The following PPP2R5D variants were observed in gnomAD, a reference collection of about 807,000 sequenced individuals.
PPP2R5D encodes the protein serine/threonine-protein phosphatase 2A 56 kDa regulatory subunit delta isoform.
Under a neutral mutation model 79.1 loss-of-function variants are expected in PPP2R5D, and 12 were observed. That is an observed-to-expected ratio of 0.15 (90% CI 0.10 to 0.25). PPP2R5D has a LOEUF of 0.25. Ranked by LOEUF, PPP2R5D falls within the 10% of genes least tolerant of loss-of-function variation. The pLI is 1.00. For missense variants in PPP2R5D, 419 were observed against 760.2 expected (o/e 0.55, Z 5.28); for synonymous variants, 277 against 286.6 (o/e 0.97, Z 0.34).
At chr6:42,994,708 C>T (rs1771511211) in intron 2 of PPP2R5D, among the ~76,000 whole-genome samples, 1 of 151,004 alleles carries the variant, frequency 6.6e-6, no homozygotes, top group Non-Finnish European at 1.5e-5. Context: ...ATCCCAGCTA[C>T]TCGGGAGGCT....
rs70990164 is a variant in PPP2R5D, at chr6:42,990,699, C to CTTTTTTT, written c.105+1032_105+1038dup. On this transcript the variant is annotated intron_variant, in intron 2 of 15. Transcript: ENST00000485511. Reference sequence around the variant, plus strand: ...TCCTCTGCACTTATGCAGTATTCTACTTTTTTTTTTTTTTTTTTTTTTTTT... The same window carrying CTTTTTTT: ...TCCTCTGCACTTATGCAGTATTCTACTTTTTTTTTTTTTTTTTTTTTTTTTTTTTTTT... 1.6e-3 allele frequency among the ~76,000 whole-genome samples: 85 copies of CTTTTTTT among 51,594 alleles called. 10 individuals are homozygous for CTTTTTTT. Among genetic ancestry groups the CTTTTTTT allele is most frequent in the South Asian group, 3.3e-3 (3 of 916 alleles). The allele number at this position is 51,594 out of a possible 152,430, so 33.8% of individuals were successfully genotyped here.
chr6:42,995,504 G>A (rs536535929), intron 2 of PPP2R5D, among the ~76,000 whole-genome samples: 12 of 151,724 alleles, frequency 7.9e-5, no homozygotes, highest in African/African-American at 2.7e-4. Flanking sequence ...CCACTGGCCC[G>A]GACTGCTTTA....
chr6:43,011,344 C>T lies in PPP2R5D; in HGVS notation c.*58C>T. On this transcript the variant is annotated 3_prime_UTR_variant, in exon 16 of 16. Coordinates refer to ENST00000485511, the MANE Select transcript of PPP2R5D (RefSeq NM_006245.4). ...ACACAGCCCTGGGACACTGCCCTGGCCCTCCATACTCTGCTCCCTACTGGC... is the reference window on the plus strand; with the variant it reads ...ACACAGCCCTGGGACACTGCCCTGGTCCTCCATACTCTGCTCCCTACTGGC... 2.5e-6 allele frequency: 4 copies of T among 1,604,778 alleles called. No homozygotes were observed. Among genetic ancestry groups the T allele is most frequent in the Non-Finnish European group, 3.4e-6 (4 of 1,174,976 alleles).
chr6:43,003,140 A>T (rs2150272463), intron 2 of PPP2R5D, among the ~76,000 whole-genome samples: 1 of 152,304 alleles, frequency 6.6e-6, no homozygotes, highest in Middle Eastern at 3.4e-3. Flanking sequence ...GATAGCTTTT[A>T]GGCTGGGCAC....
rs767442751 is a variant in PPP2R5D at position 43,006,885 on chromosome 6, G to C, written c.323-26G>C. ...CATCGCAGTGAAGGACTACAGAGGA[G>C]AACCTGACTGCTGGGGCCCCCACAG... On this transcript the variant is annotated intron_variant, in intron 3 of 15. Transcript: ENST00000485511. This position sits in a 1 kb window ranked among gnomAD's most constrained non-coding sequence, Gnocchi z 4.7. 1 of 1,613,008 alleles carries C rather than the reference G, an allele frequency of 6.2e-7. No individual in the cohort carries two copies. Among genetic ancestry groups the C allele is most frequent in the Non-Finnish European group, 8.5e-7 (1 of 1,179,864 alleles).
chr6:43,005,304 A>G (rs539410849), intron 2 of PPP2R5D, among the ~76,000 whole-genome samples: 4 of 151,730 alleles, frequency 2.6e-5, no homozygotes, highest in East Asian at 1.9e-4. Flanking sequence ...TTATCTTTAG[A>G]GACAGTGTTG....
At position 43,010,590 on chromosome 6, in the gene PPP2R5D, G is replaced by A. The variant is rs1762302400; in HGVS notation, c.1481+21G>A. 6.2e-7 allele frequency: 1 copy of A among 1,613,168 alleles called. No homozygotes were observed. The highest frequency in any genetic ancestry group is 1.1e-5 in the South Asian group (1 of 91,056). On this transcript the variant is annotated intron_variant, in intron 13 of 15. Transcript: ENST00000485511. This position sits in a 1 kb window ranked among gnomAD's most constrained non-coding sequence, Gnocchi z 4.7. The stretch of plus-strand genomic sequence containing the variant: ...CAGAAGTGAGTATCTCTCTCCCCGG[G>A]AGACTTTCATCTTCTACCACCAGCT...
rs1762199752 is a variant in PPP2R5D, at chr6:43,008,465, A to G, written c.1016A>G (p.Tyr339Cys). 1 of 1,609,746 alleles carries G rather than the reference A, an allele frequency of 6.2e-7. No homozygotes were observed. The highest frequency in any genetic ancestry group is 8.5e-7 in the Non-Finnish European group (1 of 1,176,048). The change falls in exon 9 of 16, where the codon TAC becomes TGC. Residue 339 changes from tyrosine to cysteine, a missense_variant. This residue lies in a region of PPP2R5D where 196 missense variants were observed against 424.5 expected (regional missense o/e 0.46). Coordinates refer to ENST00000485511, the MANE Select transcript of PPP2R5D (RefSeq NM_006245.4). This position sits in a 1 kb window ranked among gnomAD's most constrained non-coding sequence, Gnocchi z 4.2. Reference protein sequence around the residue: ...PLHKVKSLSVYHPQLAYCVVQ... With the variant: ...PLHKVKSLSVCHPQLAYCVVQ... ...CACAAGGTCAAGTCCCTGAGTGTCTACCACCCTCAGGTGAGCTGCCTTCCT... is the reference window on the plus strand; with the variant it reads ...CACAAGGTCAAGTCCCTGAGTGTCTGCCACCCTCAGGTGAGCTGCCTTCCT...
chr6:42,990,094 TTGGGCCCAGC>T (rs563266570), intron 2 of PPP2R5D, among the ~76,000 whole-genome samples: 103 of 152,200 alleles, frequency 6.8e-4, no homozygotes, highest in Middle Eastern at 3.4e-3. Context: ...TGTCCCTGAG[TTGGGCCCAGC>T]TGGGCCCACT....
rs1762232001 is a variant in PPP2R5D at position 43,009,023 on chromosome 6, G to T, written c.1081-34G>T. The stretch of plus-strand genomic sequence containing the variant: ...TCCTGGTGACCTAGGCAGGTGCAAA[G>T]AATTTTCATCCCCATGCCCTCCTTG... On this transcript the variant is annotated intron_variant, in intron 10 of 15. Transcript: ENST00000485511. The surrounding 1 kb of genome is among the most constrained non-coding windows in gnomAD (Gnocchi z 5.6). 6.2e-7 allele frequency: 1 copy of T among 1,604,890 alleles called. No homozygotes were observed. Among genetic ancestry groups the T allele is most frequent in the African/African-American group, 1.3e-5 (1 of 74,798 alleles).
intron 2 of PPP2R5D, among the ~76,000 whole-genome samples, chr6:42,994,586 C>T (rs991307618): frequency 6.6e-6 from 1 of 152,094 alleles, no homozygotes; most frequent in African/African-American, 2.4e-5. Context: ...GGGCGGATCA[C>T]CTGAGATTGG....
At chr6:42,993,908 G>A (rs1771452711) in intron 2 of PPP2R5D, among the ~76,000 whole-genome samples, 1 of 152,176 alleles carries the variant, frequency 6.6e-6, no homozygotes, top group Non-Finnish European at 1.5e-5. Flanking sequence ...CTATGTACCA[G>A]GCACTGTGCT....
intron 2 of PPP2R5D, among the ~76,000 whole-genome samples, chr6:42,994,530 T>C (rs564594377): frequency 3.0e-4 from 46 of 150,858 alleles, no homozygotes; most frequent in Non-Finnish European, 4.0e-4. Context: ...AAAAAAAAAT[T>C]CAATGTCCTC....
intron 2 of PPP2R5D, among the ~76,000 whole-genome samples, chr6:42,991,951 C>G (rs146387880): frequency 1.2e-4 from 19 of 152,230 alleles, no homozygotes; most frequent in Non-Finnish European, 2.5e-4. Context: ...CAGGAATTAT[C>G]CATGATTTTG....
rs556922167 is a variant in PPP2R5D at position 42,987,929 on chromosome 6, C to T, written c.28-1682C>T. Among the ~76,000 whole-genome samples, 5 of 152,130 alleles carry T rather than the reference C, an allele frequency of 3.3e-5. No individual in the cohort carries two copies. In the South Asian group the frequency reaches 8.3e-4, roughly 25 times the overall value. ...TCATGTCTGGGGTGTGTGCAGACAC[C>T]TCAATGTTGTGTCCTGCCTGCACCC... On this transcript the variant is annotated intron_variant, in intron 1 of 15. Transcript: ENST00000485511.
At position 43,006,710 on chromosome 6, in the gene PPP2R5D, T is replaced by C. The variant is rs1762100895; in HGVS notation, c.322+31T>C. The C allele has an allele frequency of 6.2e-7, 1 of 1,608,042 alleles. No homozygotes were observed. Among genetic ancestry groups the C allele is most frequent in the South Asian group, 1.1e-5 (1 of 90,520 alleles). ...TGGCAATTGGTCACAGGGGCTGTTTTACCAGTTCTAGTGGGCATCGGGAGT... is the reference window on the plus strand; with the variant it reads ...TGGCAATTGGTCACAGGGGCTGTTTCACCAGTTCTAGTGGGCATCGGGAGT... On this transcript the variant is annotated intron_variant, in intron 3 of 15. Coordinates refer to ENST00000485511, the MANE Select transcript of PPP2R5D (RefSeq NM_006245.4). The surrounding 1 kb of genome is among the most constrained non-coding windows in gnomAD (Gnocchi z 4.7).
chr6:42,995,528 T>G (rs1771593563), intron 2 of PPP2R5D, among the ~76,000 whole-genome samples: 1 of 151,014 alleles, frequency 6.6e-6, no homozygotes, highest in African/African-American at 2.5e-5. Flanking sequence ...CTCCTGTGTC[T>G]TTTTTTGCCT....
In PPP2R5D at chr6:43,007,330, G is replaced by A. The variant is rs1378238096; in HGVS notation, c.633+24G>A. On this transcript the variant is annotated intron_variant, in intron 5 of 15. Coordinates refer to ENST00000485511, the MANE Select transcript of PPP2R5D (RefSeq NM_006245.4). The surrounding 1 kb of genome is among the most constrained non-coding windows in gnomAD (Gnocchi z 4.5). ...AGGTACCAGGGCAAGGGGGCAGATT[G>A]GCCGTGGCTGCAGGGAGTGGGGCAC... is the stretch of plus-strand genomic sequence containing the variant. 2 of 1,612,094 alleles carry A rather than the reference G, an allele frequency of 1.2e-6. No individual in the cohort carries two copies. The highest frequency in any genetic ancestry group is 1.7e-6 in the Non-Finnish European group (2 of 1,178,218).
intron 2 of PPP2R5D, among the ~76,000 whole-genome samples, chr6:43,004,852 T>C (rs1761982401): frequency 6.6e-6 from 1 of 150,816 alleles, no homozygotes; most frequent in African/African-American, 2.4e-5. Flanking sequence ...TGGGTTCAAG[T>C]GATTCTCCTG....
Sources: allele counts gnomAD v4.1 joint callset (sites outside exome capture counted in the v4.1 genomes callset), GRCh38; gene constraint gnomAD v4.1.1; regional missense constraint gnomAD v4.1.1; non-coding constraint Gnocchi (gnomAD v3.1); transcripts MANE v1.5; gene names NCBI Gene and HGNC (gene_info 2026-07-23, HGNC 2026-07-21).